CSMD1: variants seen among roughly 807,000 people sequenced by gnomAD.
CSMD1 encodes the protein CUB and Sushi multiple domains 1, also known as CUB and sushi domain-containing protein 1.
In CSMD1, 213 loss-of-function variants were observed where a neutral mutation model predicts 417.5. The ratio of observed to expected loss-of-function variants is 0.51; its 90% CI spans 0.46 to 0.57. The LOEUF (loss-of-function observed/expected upper bound fraction) is 0.57, where lower values mean the gene tolerates loss of function less well. Among genes scored for constraint, CSMD1 ranks in the 20% least tolerant of loss-of-function variants. CSMD1 has a pLI of 0.00. For missense variants in CSMD1, 6,923 were observed against 4,529.7 expected, an observed-to-expected ratio of 1.53 and a Z score of -15.17; for synonymous variants, 2,862 against 1,736.8, an observed-to-expected ratio of 1.65 and a Z score of -16.11.
intron 3 of CSMD1, among the ~76,000 whole-genome samples, chr8:4,149,202 G>C (rs765107889): frequency 6.6e-6 from 1 of 152,068 alleles, no homozygotes; most frequent in African/African-American, 2.4e-5. Context: ...GACCTCAGGT[G>C]ATCCGTCCAC....
chr8:4,830,229 C>G (rs991499647), intron 1 of CSMD1, among the ~76,000 whole-genome samples: 1 of 152,168 alleles, frequency 6.6e-6, no homozygotes, highest in African/African-American at 2.4e-5. Context: ...TCAGCCTCAC[C>G]TCAACCCTAT....
Position 4,392,675 on chromosome 8 carries a change from G to T in CSMD1, c.415+27278C>A, listed in dbSNP as rs554765528. ...ATTATTATTATTATTATTTTTTTTT[G>T]AGATGGACTGTGGGCTGGGCACAGT... On this transcript the variant is annotated intron_variant, in intron 3 of 69. Transcript: ENST00000635120. 5.8e-3 allele frequency among the ~76,000 whole-genome samples: 860 copies of T among 149,144 alleles called. 5 individuals are homozygous for T. Among genetic ancestry groups the T allele is most frequent in the Non-Finnish European group, 9.1e-3 (614 of 67,358 alleles).
At chr8:3,707,092 C>A (rs931736589) in intron 7 of CSMD1, among the ~76,000 whole-genome samples, 26 of 152,204 alleles carry the variant, frequency 1.7e-4, no homozygotes, top group Admixed American at 1.3e-4. Context: ...GACATGTTTA[C>A]CTCTCTGTCC....
chr8:4,309,422 A>G (rs1450523593), intron 3 of CSMD1, among the ~76,000 whole-genome samples: 4 of 151,992 alleles, frequency 2.6e-5, no homozygotes, highest in Non-Finnish European at 5.9e-5. Flanking sequence ...GAAAGAAATT[A>G]AATTCAAAAT....
chr8:4,111,819 G>A (rs1008777537), intron 3 of CSMD1, among the ~76,000 whole-genome samples: 1 of 152,026 alleles, frequency 6.6e-6, no homozygotes, highest in Non-Finnish European at 1.5e-5. Context: ...ATACATATGG[G>A]GCTTGAATCC....
At chr8:4,269,661 G>A (rs997088016) in intron 3 of CSMD1, among the ~76,000 whole-genome samples, 1 of 152,150 alleles carries the variant, frequency 6.6e-6, no homozygotes, top group South Asian at 2.1e-4. Context: ...CAGGTTGCCT[G>A]ATCCAAAATA....
intron 3 of CSMD1, among the ~76,000 whole-genome samples, chr8:4,239,015 G>T (rs924160568): frequency 2.6e-5 from 4 of 152,100 alleles, no homozygotes; most frequent in African/African-American, 9.7e-5. Context: ...ACAGGATTAG[G>T]TTCGAAAATC....
At chr8:4,132,539 G>T (rs1027455560) in intron 3 of CSMD1, among the ~76,000 whole-genome samples, 34 of 152,214 alleles carry the variant, frequency 2.2e-4, no homozygotes, top group African/African-American at 7.7e-4. Flanking sequence ...ATTTTAAAAT[G>T]CAAAGGGGGC....
intron 2 of CSMD1, among the ~76,000 whole-genome samples, chr8:4,591,516 G>C (rs566994363): frequency 2.6e-5 from 4 of 152,164 alleles, no homozygotes; most frequent in Admixed American, 2.6e-4. Flanking sequence ...AGTCACTGTG[G>C]TATAGCGTGA....
chr8:3,018,260 T>A (rs1809031988), intron 52 of CSMD1, among the ~76,000 whole-genome samples: 1 of 152,218 alleles, frequency 6.6e-6, no homozygotes, highest in African/African-American at 2.4e-5. Flanking sequence ...AGATTGCCTT[T>A]ATGGCACTTA....
At chr8:4,953,938 CT>C (rs970495325) in intron 1 of CSMD1, among the ~76,000 whole-genome samples, 12 of 152,074 alleles carry the variant, frequency 7.9e-5, no homozygotes, top group African/African-American at 2.9e-4. Flanking sequence ...AAAAGCTCTC[CT>C]GGTGCACCTA....
intron 3 of CSMD1, among the ~76,000 whole-genome samples, chr8:4,374,613 T>C (rs1802604138): frequency 6.6e-6 from 1 of 152,130 alleles, no homozygotes; most frequent in Non-Finnish European, 1.5e-5. Flanking sequence ...GAAATGGTCC[T>C]GAAAGCCAGG....
chr8:3,761,998 C>T (rs1040377094), intron 5 of CSMD1, among the ~76,000 whole-genome samples: 13 of 152,126 alleles, frequency 8.5e-5, no homozygotes, highest in African/African-American at 3.1e-4. Context: ...ATCATCCACT[C>T]CTGCGACTCT....
At chr8:3,793,802 T>C (rs1489652513) in intron 5 of CSMD1, among the ~76,000 whole-genome samples, 2 of 152,172 alleles carry the variant, frequency 1.3e-5, no homozygotes, top group South Asian at 2.1e-4. Context: ...CCTCCTTTTA[T>C]GCCCCAGGGC....
intron 2 of CSMD1, among the ~76,000 whole-genome samples, chr8:4,529,776 A>G (rs1010603800): frequency 3.9e-5 from 6 of 152,112 alleles, no homozygotes; most frequent in Non-Finnish European, 8.8e-5. Context: ...AAAGTTTCAG[A>G]ACTGCTGCCG....
intron 4 of CSMD1, among the ~76,000 whole-genome samples, chr8:4,002,784 A>T (rs144644015): frequency 2.0e-5 from 3 of 152,198 alleles, no homozygotes; most frequent in Non-Finnish European, 4.4e-5. Context: ...GAAGAACTGA[A>T]TAGAAAGTTT....
intron 3 of CSMD1, among the ~76,000 whole-genome samples, chr8:4,147,441 G>A (rs1054798695): frequency 2.6e-5 from 4 of 151,946 alleles, no homozygotes; most frequent in African/African-American, 4.8e-5. Flanking sequence ...CTACCTTCTG[G>A]AAAGTCCCAC....
chr8:3,521,367 G>A (rs1207439623), intron 10 of CSMD1, among the ~76,000 whole-genome samples: 2 of 152,016 alleles, frequency 1.3e-5, no homozygotes, highest in Non-Finnish European at 2.9e-5. Context: ...CTCCCATGAT[G>A]TCAGCCCTGT....
intron 5 of CSMD1, among the ~76,000 whole-genome samples, chr8:3,941,679 T>G (rs926170153): frequency 9.2e-5 from 14 of 152,208 alleles, no homozygotes; most frequent in Admixed American, 7.2e-4. Context: ...AGAGTTTGAC[T>G]AGAATGTAAT....
Sources: allele counts gnomAD v4.1 joint callset (sites outside exome capture counted in the v4.1 genomes callset), GRCh38; gene constraint gnomAD v4.1.1; transcripts MANE v1.5; gene names NCBI Gene and HGNC (gene_info 2026-07-23, HGNC 2026-07-21).